The following OCA2 variants were observed in gnomAD, a reference collection of about 807,000 sequenced individuals.
OCA2 encodes the protein OCA2 melanosomal transmembrane protein.
In OCA2, 77 loss-of-function variants were observed where a neutral mutation model predicts 100.2. The observed-to-expected ratio is 0.77, with a 90% confidence interval of 0.64 to 0.93. The LOEUF is 0.93. OCA2 is among the 40% of genes least tolerant of loss of function. The pLI is 0.00. For missense variants in OCA2, 1,062 were observed against 1,089.1 expected (o/e 0.98, Z 0.35); for synonymous variants, 432 against 439.2 (o/e 0.98, Z 0.21).
chr15:27,992,123 C>T (rs994501801), intron 9 of OCA2, among the ~76,000 whole-genome samples: 5 of 149,222 alleles, frequency 3.4e-5, no homozygotes, highest in Non-Finnish European at 7.4e-5. Flanking sequence ...TTTTTTGAGA[C>T]GGAGTCTCAC....
intron 17 of OCA2, among the ~76,000 whole-genome samples, chr15:27,954,708 A>C (rs2040159112): frequency 6.7e-6 from 1 of 149,326 alleles, no homozygotes; most frequent in Non-Finnish European, 1.5e-5. Context: ...CAAAAAAAAC[A>C]AAACAAAAGA....
At chr15:27,805,155 G>A (rs2033778737) in intron 23 of OCA2, among the ~76,000 whole-genome samples, 1 of 152,342 alleles carries the variant, frequency 6.6e-6, no homozygotes, top group Admixed American at 6.5e-5. Flanking sequence ...CTGAGGTGGC[G>A]GCCCCACCGC....
chr15:27,816,838 G>A (rs1223792023), intron 23 of OCA2, among the ~76,000 whole-genome samples: 1 of 152,056 alleles, frequency 6.6e-6, no homozygotes, highest in Non-Finnish European at 1.5e-5. Flanking sequence ...GACTTCCAGT[G>A]ACAGCCTCTG....
At chr15:27,730,845 C>T in the OCA2 span, among the ~76,000 whole-genome samples, 1 of 147,442 alleles carries the variant, frequency 6.8e-6, no homozygotes, top group Non-Finnish European at 1.5e-5. Context: ...CAAAAACAAT[C>T]CAAGCCTAAA....
At chr15:27,742,835 C>G in the OCA2 span, among the ~76,000 whole-genome samples, 1 of 152,160 alleles carries the variant, frequency 6.6e-6, no homozygotes, top group Non-Finnish European at 1.5e-5. Flanking sequence ...CTGGAAGCAG[C>G]ACACATGGCC....
intron 2 of OCA2, among the ~76,000 whole-genome samples, chr15:28,049,743 A>G (rs952833165): frequency 5.3e-5 from 8 of 152,220 alleles, no homozygotes; most frequent in African/African-American, 1.9e-4. Context: ...CGTGTATGAA[A>G]TATCTACAAA....
chr15:28,030,964 ACCCCTTCCCT>A (rs950782561), intron 3 of OCA2, among the ~76,000 whole-genome samples: 8 of 152,062 alleles, frequency 5.3e-5, no homozygotes, highest in Non-Finnish European at 1.2e-4. Flanking sequence ...ACGAGAGAAG[ACCCCTTCCCT>A]CTTCACTGTT....
intron 23 of OCA2, among the ~76,000 whole-genome samples, chr15:27,793,096 G>A (rs2033160935): frequency 6.6e-6 from 1 of 152,100 alleles, no homozygotes; most frequent in Admixed American, 6.5e-5. Context: ...AACCAGCTTT[G>A]AAAGAAGAAG....
chr15:27,802,252 A>G (rs2033646620), intron 23 of OCA2, among the ~76,000 whole-genome samples: 1 of 152,228 alleles, frequency 6.6e-6, no homozygotes, highest in South Asian at 2.1e-4. Flanking sequence ...AATATGTGAA[A>G]GACTTGTACA....
intron 23 of OCA2, among the ~76,000 whole-genome samples, chr15:27,823,068 AC>A (rs1430604988): frequency 6.6e-6 from 1 of 152,246 alleles, no homozygotes; most frequent in Non-Finnish European, 1.5e-5. Context: ...ATTTTCTTTC[AC>A]ATGGGTGCCA....
At chr15:27,938,811 T>A (rs1346490874) in intron 18 of OCA2, among the ~76,000 whole-genome samples, 1 of 152,150 alleles carries the variant, frequency 6.6e-6, no homozygotes, top group Non-Finnish European at 1.5e-5. Context: ...GACAGCTGCA[T>A]CGATGCACAT....
At chr15:27,803,027 G>T (rs981880979) in intron 23 of OCA2, among the ~76,000 whole-genome samples, 1 of 152,146 alleles carries the variant, frequency 6.6e-6, no homozygotes, top group Admixed American at 6.5e-5. Flanking sequence ...TAAAGGATTT[G>T]CATCTAGAGC....
rs1357580525 is a variant in OCA2, at chr15:27,755,317, G to A, written c.*71C>T. On this transcript the variant is annotated 3_prime_UTR_variant, in exon 24 of 24. Coordinates refer to ENST00000354638, the MANE Select transcript of OCA2 (RefSeq NM_000275.3). The stretch of plus-strand genomic sequence containing the variant: ...TTTCTTCTTCAAACAGTGGGGTCAG[G>A]GTAGTTTTATGACTAATGGGTTGTG... 9.8e-6 allele frequency: 11 copies of A among 1,119,258 alleles called. No homozygotes were observed. In the Admixed American group the frequency reaches 1.5e-4, roughly 16 times the overall value. The allele number at this position is 1,119,258 out of a possible 1,614,324, so 69.3% of individuals were successfully genotyped here. A position where few individuals can be genotyped will look rare whatever the true frequency, so the allele number is the denominator to read the frequency against.
intron 23 of OCA2, among the ~76,000 whole-genome samples, chr15:27,777,505 A>G (rs2032304016): frequency 1.3e-5 from 2 of 152,230 alleles, no homozygotes; most frequent in African/African-American, 4.8e-5. Context: ...AAACAAACCA[A>G]AAAATCACCT....
At chr15:27,930,321 G>T (rs2039201984) in intron 18 of OCA2, among the ~76,000 whole-genome samples, 1 of 152,134 alleles carries the variant, frequency 6.6e-6, no homozygotes, top group Non-Finnish European at 1.5e-5. Flanking sequence ...TAACAGGAAT[G>T]AATTATTGAT....
At chr15:27,898,923 T>C (rs960024807) in intron 19 of OCA2, among the ~76,000 whole-genome samples, 14 of 152,170 alleles carry the variant, frequency 9.2e-5, no homozygotes, top group Middle Eastern at 3.2e-3. Flanking sequence ...TTCCAGAAGA[T>C]AAAACAGGAA....
At chr15:27,866,185 G>A (rs1247898085) in intron 21 of OCA2, among the ~76,000 whole-genome samples, 4 of 152,208 alleles carry the variant, frequency 2.6e-5, no homozygotes, top group Admixed American at 6.5e-5. Context: ...CAATGTAGAG[G>A]GCTATAGGTT....
intron 6 of OCA2, 93 bp from the exon 7 acceptor site, chr15:28,018,650 G>T: frequency 8.1e-7 from 1 of 1,228,800 alleles, no homozygotes; most frequent in Non-Finnish European, 1.2e-6. Context: ...GACAGTGTGT[G>T]AAGAAATGCG....
chr15:27,819,543 G>T (rs1467154005), intron 23 of OCA2, among the ~76,000 whole-genome samples: 9 of 152,230 alleles, frequency 5.9e-5, no homozygotes, highest in Admixed American at 5.9e-4. Context: ...GGAAGTGAAT[G>T]ATTAAGTAAA....
Sources: allele counts gnomAD v4.1 joint callset (sites outside exome capture counted in the v4.1 genomes callset), GRCh38; gene constraint gnomAD v4.1.1; transcripts MANE v1.5; gene names NCBI Gene and HGNC (gene_info 2026-07-23, HGNC 2026-07-21).